The following PPY variants were observed in gnomAD, a reference collection of about 807,000 sequenced individuals.
PPY encodes the protein pancreatic polypeptide, also known as pancreatic polypeptide prohormone.
A neutral mutation model predicts 9.3 loss-of-function variants in PPY; 6 were observed. The ratio of observed to expected loss-of-function variants is 0.64; its 90% CI spans 0.35 to 1.27. The LOEUF (loss-of-function observed/expected upper bound fraction) is 1.27. Among genes scored for constraint, PPY ranks in the 50% most tolerant of loss-of-function variants. The pLI, the probability that PPY is intolerant of heterozygous loss-of-function variation, is 0.03. For synonymous variants in PPY, 58 were observed against 54.6 expected (o/e 1.06, Z -0.27); for missense variants, 109 against 119.1 (o/e 0.91, Z 0.40).
At position 43,941,233 on chromosome 17, in the gene PPY, CA is replaced by C; in HGVS notation, c.192-20del. 6.4e-7 allele frequency: 1 copy of C among 1,551,058 alleles called. No individual in the cohort carries two copies. Among genetic ancestry groups the C allele is most frequent in the South Asian group, 1.2e-5 (1 of 84,050 alleles). On this transcript the variant is annotated intron_variant, in intron 2 of 3. Coordinates refer to ENST00000225992, the MANE Select transcript of PPY (RefSeq NM_002722.5). Reference sequence around the variant, plus strand: ...CCCATACCTGGGAGGGAAGAGGCAGCAGGGGCAAGCACTGTGCCCAGGTGCC... The same window carrying C: ...CCCATACCTGGGAGGGAAGAGGCAGCGGGGCAAGCACTGTGCCCAGGTGCC...
chr17:43,941,347 C>T, intron 2 of PPY, 117 bp downstream of exon 2: 2 of 1,532,630 alleles, frequency 1.3e-6, no homozygotes, highest in African/African-American at 1.4e-5. Context: ...CCCTGTTTTC[C>T]CAAGAGCAGG....
chr17:43,943,899 G>A (rs2048593731), upstream of PPY, among the ~76,000 whole-genome samples: 1 of 152,198 alleles, frequency 6.6e-6, no homozygotes, highest in African/African-American at 2.4e-5. Context: ...ACACCCATCT[G>A]AAGATAGGGA....
chr17:43,940,927 A>C lies in PPY; in HGVS notation c.*1T>G. 3.1e-6 allele frequency: 5 copies of C among 1,607,718 alleles called. No individual in the cohort carries two copies. Among genetic ancestry groups the C allele is most frequent in the Non-Finnish European group, 4.2e-6 (5 of 1,177,384 alleles). On this transcript the variant is annotated 3_prime_UTR_variant, in exon 4 of 4. Coordinates refer to ENST00000225992, the MANE Select transcript of PPY (RefSeq NM_002722.5). ...GGAGTCGTAGGAGACAGAAGGTGGCATTATAAGTCCAGCGGGCTGAGCTCC... is the reference window on the plus strand; with the variant it reads ...GGAGTCGTAGGAGACAGAAGGTGGCCTTATAAGTCCAGCGGGCTGAGCTCC...
At chr17:43,941,709 C>G in intron 1 of PPY, 55 bp from the exon 2 acceptor site, 2 of 1,502,626 alleles carry the variant, frequency 1.3e-6, no homozygotes, top group East Asian at 2.4e-5. Context: ...TTTCCCGTGC[C>G]CAGGAAGCAG....
chr17:43,941,161 G>A lies in PPY; in HGVS notation c.245C>T (p.Pro82Leu), dbSNP rs555231892. The change falls in exon 3 of 4, where the codon CCG becomes CTG. Residue 82 changes from proline (P) to leucine (L), a missense_variant. By Grantham distance (98) the Pro-to-Leu change is moderately conservative (BLOSUM62 -3). Coordinates refer to ENST00000225992, the MANE Select transcript of PPY (RefSeq NM_002722.5). ...DTLAFSEWGS[P>L]HAAVPRELSP... is the part of the protein sequence containing the mutation. ...AACTCACCTGGGGACAGCAGCATGC[G>A]GGGACCCCCACTCCGAGAAGGCCAG... 16 of 1,551,590 alleles carry A rather than the reference G, an allele frequency of 1.0e-5. No individual in the cohort carries two copies. Among genetic ancestry groups the A allele is most frequent in the Middle Eastern group, 1.7e-4 (1 of 5,992 alleles).
In PPY at chr17:43,941,467, G is replaced by A. The variant is rs145741534; in HGVS notation, c.188C>T (p.Pro63Leu). The A allele has an allele frequency of 6.9e-4, 1,110 of 1,613,758 alleles. No individual in the cohort carries two copies. Among genetic ancestry groups the A allele is most frequent in the Non-Finnish European group, 8.9e-4 (1,048 of 1,179,988 alleles). The change falls in exon 2 of 4, where the codon CCT (proline) becomes CTT (leucine). Residue 63 changes from proline to leucine, a missense_variant. By Grantham distance (98) the Pro-to-Leu change is moderately conservative. Coordinates refer to ENST00000225992, the MANE Select transcript of PPY (RefSeq NM_002722.5). ...LRRYINMLTR[P>L]RYGKRHKEDT... is the part of the protein sequence containing the mutation. ...TCTCCCCAACTGTGGCACACACCTA[G>A]GCCTGGTCAGCATGTTGATGTATCT... is the stretch of plus-strand genomic sequence containing the variant.
rs2048584368 is a variant in PPY, at chr17:43,942,224, C to T, written c.-1+197G>A. 1.2e-5 allele frequency: 2 copies of T among 163,682 alleles called. No homozygotes were observed. The highest frequency in any genetic ancestry group is 1.7e-4 in the East Asian group (1 of 6,042). The allele number at this position is 163,682 out of a possible 1,614,324, so 10.1% of individuals were successfully genotyped here. ...ACACATTCCAGTTCACAGCCATGCA[C>T]ACGAGTGTGCACACACACGTGCAGT... On this transcript the variant is annotated intron_variant, in intron 1 of 3. Coordinates refer to ENST00000225992, the MANE Select transcript of PPY (RefSeq NM_002722.5). This position sits in a 1 kb window ranked among gnomAD's most constrained non-coding sequence, Gnocchi z 5.3.
chr17:43,941,245 C>A, intron 2 of PPY, 31 bp from the exon 3 acceptor site: 1 of 1,549,856 alleles, frequency 6.5e-7, no homozygotes, highest in Non-Finnish European at 8.7e-7. Flanking sequence ...GGGGCAAGCA[C>A]TGTGCCCAGG....
intron 3 of PPY, 76 bp from the exon 4 acceptor site, chr17:43,941,028 G>C: frequency 1.3e-6 from 2 of 1,556,286 alleles, no homozygotes; most frequent in African/African-American, 1.4e-5. Context: ...CTGGCCCTGG[G>C]CTCCTGTTCT....
rs374028375 is a variant in PPY, at chr17:43,942,175, C to G, written c.-1+246G>C. 1 of 172,200 alleles carries G rather than the reference C, an allele frequency of 5.8e-6. No homozygotes were observed. Among genetic ancestry groups the G allele is most frequent in the Non-Finnish European group, 1.3e-5 (1 of 78,704 alleles). 10.7% of individuals were successfully genotyped at this position (172,200 alleles called of 1,614,324 possible). ...CAGCAAAGGCACTCACACAGGGACC[C>G]CAGTCACTCACAAGGTCACAGTCAC... On this transcript the variant is annotated intron_variant, in intron 1 of 3. Transcript: ENST00000225992. The surrounding 1 kb of genome is among the most constrained non-coding windows in gnomAD (Gnocchi z 5.3).
upstream of PPY, among the ~76,000 whole-genome samples, chr17:43,943,656 C>G (rs2048592189): frequency 6.6e-6 from 1 of 152,152 alleles, no homozygotes; most frequent in Non-Finnish European, 1.5e-5. Flanking sequence ...GGACTTATGA[C>G]TGCTGACGTT....
Position 43,941,165 on chromosome 17 carries a change from A to AC in PPY, c.240dup (p.Ser81ValfsTer?). 6.4e-7 allele frequency: 1 copy of AC among 1,551,112 alleles called. No homozygotes were observed. The highest frequency in any genetic ancestry group is 1.7e-4 in the Middle Eastern group (1 of 5,986). ...CACCTGGGGACAGCAGCATGCGGGG[A>AC]CCCCCACTCCGAGAAGGCCAGCGTG... On this transcript the variant is annotated frameshift_variant, in exon 3 of 4. Transcript: ENST00000225992. LOFTEE classifies it low-confidence loss of function (END_TRUNC).
rs1567921677 is a variant in PPY at position 43,942,313 on chromosome 17, C to T, written c.-1+108G>A. ...TGCAGAAAGCAAGACCCAAGCAGGA[C>T]CTTAGGCCTCCCAAGGCCCCTGGCC... On this transcript the variant is annotated intron_variant, in intron 1 of 3. Coordinates refer to ENST00000225992, the MANE Select transcript of PPY (RefSeq NM_002722.5). This position sits in a 1 kb window ranked among gnomAD's most constrained non-coding sequence, Gnocchi z 5.3. 1.3e-5 allele frequency: 2 copies of T among 152,696 alleles called. No individual in the cohort carries two copies. The highest frequency in any genetic ancestry group is 2.9e-5 in the Non-Finnish European group (2 of 68,386). The allele number at this position is 152,696 out of a possible 1,614,324, so 9.5% of individuals were successfully genotyped here.
Position 43,941,145 on chromosome 17 carries a change from G to A in PPY, c.261C>T (p.Pro87=). 1 of 1,551,662 alleles carries A rather than the reference G, an allele frequency of 6.4e-7. No individual in the cohort carries two copies. The highest frequency in any genetic ancestry group is 8.7e-7 in the Non-Finnish European group (1 of 1,146,986). ...ACAGGGCAGGGAGTCAAACTCACCT[G>A]GGGACAGCAGCATGCGGGGACCCCC... The part of the protein sequence containing the change: ...SEWGSPHAAV[P]RELSPLDL The change falls in exon 3 of 4, where the codon CCC becomes CCT. Residue 87 remains proline, a splice_region_variant and synonymous_variant. Coordinates refer to ENST00000225992, the MANE Select transcript of PPY (RefSeq NM_002722.5).
At chr17:43,942,864 T>C (rs898663687), upstream of PPY, among the ~76,000 whole-genome samples, 4 of 152,174 alleles carry the variant, frequency 2.6e-5, no homozygotes, top group Non-Finnish European at 5.9e-5. This position sits in a 1 kb window ranked among gnomAD's most constrained non-coding sequence, Gnocchi z 5.3. Context: ...ACGGATTCTC[T>C]TGGGGCAGAA....
chr17:43,941,825 C>T (rs1353026372), intron 1 of PPY, among the ~76,000 whole-genome samples, 171 bp from the exon 2 acceptor site: 1 of 152,190 alleles, frequency 6.6e-6, no homozygotes, highest in Non-Finnish European at 1.5e-5. Context: ...CTCCTAGACA[C>T]TGCTCTGAAG....
chr17:43,941,697 AT>A, intron 1 of PPY, 43 bp from the exon 2 acceptor site: 1 of 1,531,338 alleles, frequency 6.5e-7, no homozygotes, highest in Non-Finnish European at 8.8e-7. Flanking sequence ...CGGGCTGCAG[AT>A]TTTCCCGTGC....
At chr17:43,941,315 C>A in intron 2 of PPY, 101 bp from the exon 3 acceptor site, 1 of 1,506,616 alleles carries the variant, frequency 6.6e-7, no homozygotes, top group South Asian at 1.2e-5. Flanking sequence ...GCACATTGGT[C>A]TAGGCCTGTT....
rs2048580900 is a variant in PPY, at chr17:43,941,736, C to T, written c.1-82G>A. On this transcript the variant is annotated intron_variant, in intron 1 of 3. Transcript: ENST00000225992. ...AGGAAGCAGGGCCCAACTATCCAGC[C>T]CCTTAGCCCATCATCCATTTCTCCA... 18 of 1,366,644 alleles carry T rather than the reference C, an allele frequency of 1.3e-5. No individual in the cohort carries two copies. In the South Asian group the frequency reaches 2.1e-4, roughly 16 times the overall value. The allele number at this position is 1,366,644 out of a possible 1,614,324, so 84.7% of individuals were successfully genotyped here. A position where few individuals can be genotyped will look rare whatever the true frequency, so the allele number is the denominator to read the frequency against.
Sources: allele counts gnomAD v4.1 joint callset (sites outside exome capture counted in the v4.1 genomes callset), GRCh38; gene constraint gnomAD v4.1.1; non-coding constraint Gnocchi (gnomAD v3.1); transcripts MANE v1.5; gene names NCBI Gene and HGNC (gene_info 2026-07-23, HGNC 2026-07-21).